The following RALYL variants were observed in gnomAD, a reference collection of about 807,000 sequenced individuals.
RALYL encodes RALY RNA binding protein like.
In RALYL, 29 loss-of-function variants were observed where a neutral mutation model predicts 35.1. The observed-to-expected ratio is 0.83, with a 90% CI of 0.61 to 1.13. The LOEUF is 1.13. RALYL is among the 50% of genes most tolerant of loss of function. RALYL has a pLI of 0.00. For synonymous variants in RALYL, 120 were observed against 127.6 expected, an observed-to-expected ratio of 0.94 and a Z score of 0.40; for missense variants, 359 against 360.4, an observed-to-expected ratio of 1.00 and a Z score of 0.03.
chr8:84,373,600 A>G (rs75600145), intron 1 of RALYL, among the ~76,000 whole-genome samples: 6,574 of 152,128 alleles, frequency 0.043, 193 homozygotes, highest in Middle Eastern at 0.095. Context: ...TACAAATACT[A>G]TGCTGCTTCG....
At chr8:84,892,909 T>C (rs529505749) in intron 8 of RALYL, among the ~76,000 whole-genome samples, 12 of 152,296 alleles carry the variant, frequency 7.9e-5, no homozygotes, top group Middle Eastern at 3.4e-3. Flanking sequence ...TGATGCACTA[T>C]ACATACACTA....
At chr8:84,447,360 CCT>C (rs35634561) in intron 1 of RALYL, among the ~76,000 whole-genome samples, 5,984 of 152,060 alleles carry the variant, frequency 0.039, 233 homozygotes, top group African/African-American at 0.098. Context: ...TTCCTGCATT[CCT>C]CTCTGTTTTG....
chr8:84,645,487 G>A (rs987249998), intron 2 of RALYL, among the ~76,000 whole-genome samples: 4 of 151,840 alleles, frequency 2.6e-5, no homozygotes, highest in African/African-American at 9.7e-5. Context: ...ATGGACAATA[G>A]TTAATGAAAT....
intron 2 of RALYL, among the ~76,000 whole-genome samples, chr8:84,554,415 T>C (rs1588146800): frequency 6.6e-6 from 1 of 152,226 alleles, no homozygotes; most frequent in African/African-American, 2.4e-5. Context: ...TTCTGTTATA[T>C]GAAAATATAA....
At chr8:84,758,369 G>A (rs1811922411) in intron 2 of RALYL, among the ~76,000 whole-genome samples, 1 of 152,076 alleles carries the variant, frequency 6.6e-6, no homozygotes, top group African/African-American at 2.4e-5. Context: ...GTTATCTATT[G>A]CTGCATAACA....
intron 1 of RALYL, among the ~76,000 whole-genome samples, chr8:84,454,492 A>G (rs1387662144): frequency 1.3e-5 from 2 of 152,022 alleles, no homozygotes; most frequent in South Asian, 2.1e-4. Context: ...ATTTACCTTC[A>G]TTTATAAAGA....
intron 2 of RALYL, among the ~76,000 whole-genome samples, chr8:84,638,814 A>T (rs1825616566): frequency 6.8e-6 from 1 of 146,760 alleles, no homozygotes; most frequent in South Asian, 2.1e-4. Flanking sequence ...CTATGTTGTT[A>T]TGGAGTCCTG....
chr8:84,473,442 A>G (rs1167515672), intron 1 of RALYL, among the ~76,000 whole-genome samples: 2 of 151,850 alleles, frequency 1.3e-5, no homozygotes, highest in Non-Finnish European at 2.9e-5. Flanking sequence ...TTGAAAGTGA[A>G]TTCATGTAAT....
intron 1 of RALYL, among the ~76,000 whole-genome samples, chr8:84,205,616 G>C (rs752336502): frequency 1.3e-5 from 2 of 152,116 alleles, no homozygotes; most frequent in Non-Finnish European, 2.9e-5. Flanking sequence ...GTGTATATTT[G>C]GGTCTGAATA....
chr8:84,842,448 A>G (rs1336527146), intron 4 of RALYL, among the ~76,000 whole-genome samples: 1 of 152,184 alleles, frequency 6.6e-6, no homozygotes, highest in African/African-American at 2.4e-5. Flanking sequence ...TAGACCAATA[A>G]CAGGCTCTGA....
intron 8 of RALYL, among the ~76,000 whole-genome samples, chr8:84,892,772 C>T (rs925508499): frequency 9.9e-5 from 15 of 151,864 alleles, no homozygotes; most frequent in Non-Finnish European, 1.5e-4. Flanking sequence ...AAAACAAGCT[C>T]GGACTTTATA....
chr8:84,604,504 C>T (rs187176702), intron 2 of RALYL, among the ~76,000 whole-genome samples: 7 of 152,264 alleles, frequency 4.6e-5, no homozygotes, highest in African/African-American at 1.7e-4. Flanking sequence ...CATCTCGCTG[C>T]TGCTGCCGGC....
At chr8:84,444,688 C>A (rs571430767) in intron 1 of RALYL, among the ~76,000 whole-genome samples, 77 of 151,812 alleles carry the variant, frequency 5.1e-4, no homozygotes, top group Non-Finnish European at 8.2e-4. Context: ...TGGGTAAAGC[C>A]AATAATAGGA....
intron 1 of RALYL, among the ~76,000 whole-genome samples, chr8:84,256,099 G>A (rs1172964044): frequency 6.6e-6 from 1 of 152,130 alleles, no homozygotes; most frequent in Non-Finnish European, 1.5e-5. Flanking sequence ...TGCTGGTGAA[G>A]GGTATAATTA....
At chr8:84,699,112 C>G (rs532823049) in intron 2 of RALYL, among the ~76,000 whole-genome samples, 62 of 152,060 alleles carry the variant, frequency 4.1e-4, no homozygotes, top group African/African-American at 1.4e-3. Flanking sequence ...TGTATACATC[C>G]TATTCTGTAA....
At chr8:84,801,664 T>G (rs993836119) in intron 3 of RALYL, among the ~76,000 whole-genome samples, 7 of 152,296 alleles carry the variant, frequency 4.6e-5, no homozygotes, top group African/African-American at 1.4e-4. Flanking sequence ...TAATGCTAAG[T>G]GTACCAAAGC....
chr8:84,893,880 G>A (rs1326558766), intron 8 of RALYL, among the ~76,000 whole-genome samples: 1 of 152,172 alleles, frequency 6.6e-6, no homozygotes, highest in Non-Finnish European at 1.5e-5. Context: ...GGCAAATCTA[G>A]CAAGAATCCA....
intron 8 of RALYL, among the ~76,000 whole-genome samples, chr8:84,904,998 T>C (rs991584555): frequency 6.6e-6 from 1 of 152,176 alleles, no homozygotes; most frequent in Admixed American, 6.6e-5. Flanking sequence ...AAGGGTACGA[T>C]ACAGTATTGT....
intron 1 of RALYL, among the ~76,000 whole-genome samples, chr8:84,334,640 T>A (rs991971836): frequency 6.6e-6 from 1 of 152,014 alleles, no homozygotes; most frequent in African/African-American, 2.4e-5. Flanking sequence ...TTATATAAAT[T>A]TTATTGGTTT....
Sources: gnomAD v4.1 joint callset for allele counts (sites outside exome capture counted in the v4.1 genomes callset) on GRCh38, gnomAD v4.1.1 for gene constraint, MANE v1.5 for transcripts, NCBI Gene and HGNC (gene_info 2026-07-23, HGNC 2026-07-21) for gene names.